P2RY12: variants seen among roughly 807,000 people sequenced by gnomAD.
P2RY12 encodes the protein P2Y purinoceptor 12.
In P2RY12, 3 loss-of-function variants were observed where a neutral mutation model predicts 4.5. The observed-to-expected ratio is 0.67, with a 90% CI of 0.31 to 1.74. P2RY12 has a LOEUF of 1.74. Among genes scored for constraint, P2RY12 ranks in the 40% most tolerant of loss-of-function variants. The pLI, the probability that P2RY12 is intolerant of heterozygous loss-of-function variation, is 0.09. For synonymous variants in P2RY12, 148 were observed against 154.1 expected (o/e 0.96, Z 0.29); for missense variants, 356 against 407.8 (o/e 0.87, Z 1.09).
At chr3:151,379,420 A>T (rs1405800685) in intron 1 of P2RY12, among the ~76,000 whole-genome samples, 2 of 152,216 alleles carry the variant, frequency 1.3e-5, no homozygotes, top group African/African-American at 4.8e-5. Flanking sequence ...TTTGTTGATT[A>T]TTCTCTAATT....
intron 1 of P2RY12, among the ~76,000 whole-genome samples, chr3:151,344,800 A>G (rs1179452530): frequency 1.3e-5 from 2 of 152,226 alleles, no homozygotes; most frequent in Non-Finnish European, 2.9e-5. Context: ...TAGTAATTTA[A>G]AAATTCTATG....
chr3:151,359,723 C>T (rs973530225), intron 1 of P2RY12, among the ~76,000 whole-genome samples: 1 of 152,072 alleles, frequency 6.6e-6, no homozygotes, highest in African/African-American at 2.4e-5. Context: ...AATCTGTCAT[C>T]TGTGACTCCG....
chr3:151,372,509 A>G, intron 1 of P2RY12: 1 of 1,291,272 alleles, frequency 7.7e-7, no homozygotes, highest in Non-Finnish European at 1.1e-6. Context: ...TTTGCTCCTC[A>G]ATTATTTGGC....
intron 1 of P2RY12, among the ~76,000 whole-genome samples, chr3:151,368,683 TC>T (rs1755720374): frequency 0.012 from 566 of 47,996 alleles, 6 homozygotes; most frequent in Non-Finnish European, 0.016. Flanking sequence ...TCATGTCATT[TC>T]ATTTTATTTC....
At chr3:151,368,775 T>C (rs1755804082) in intron 1 of P2RY12, among the ~76,000 whole-genome samples, 1 of 145,522 alleles carries the variant, frequency 6.9e-6, no homozygotes, top group Admixed American at 7.0e-5. Context: ...TTTTTTTTTT[T>C]TTCCAAGACA....
At chr3:151,368,380 G>A (rs1390944137) in intron 1 of P2RY12, 1 of 725,952 alleles carries the variant, frequency 1.4e-6, no homozygotes, top group Non-Finnish European at 2.4e-6. Flanking sequence ...GGTGATGAAG[G>A]GTGAGATGAT....
chr3:151,380,044 T>C, intron 1 of P2RY12: 1 of 983,332 alleles, frequency 1.0e-6, no homozygotes, highest in Non-Finnish European at 1.5e-6. Flanking sequence ...GGCAAAGAAA[T>C]GAATGTTGCC....
intron 1 of P2RY12, among the ~76,000 whole-genome samples, chr3:151,348,562 G>A (rs538230331): frequency 3.3e-5 from 5 of 150,568 alleles, no homozygotes; most frequent in Non-Finnish European, 7.4e-5. Context: ...AGAGAAACTC[G>A]CTCCTAGCTT....
intron 1 of P2RY12, chr3:151,366,024 G>A: frequency 1.3e-6 from 2 of 1,490,812 alleles, no homozygotes. Context: ...AAATTGAACT[G>A]TGCAATTAAA....
chr3:151,349,852 CT>C (rs112308445), intron 1 of P2RY12, among the ~76,000 whole-genome samples: 255 of 139,600 alleles, frequency 1.8e-3, no homozygotes, highest in East Asian at 6.5e-3. Context: ...TCAGTTGACA[CT>C]TTTTTTTTTT....
chr3:151,357,132 T>C, intron 1 of P2RY12: 1 of 1,202,594 alleles, frequency 8.3e-7, no homozygotes. Context: ...TGACTCAGTA[T>C]ATCTATGGTT....
intron 1 of P2RY12, among the ~76,000 whole-genome samples, chr3:151,367,254 A>G (rs1354921673): frequency 1.3e-5 from 2 of 152,200 alleles, no homozygotes; most frequent in Non-Finnish European, 2.9e-5. Context: ...TTTTTCAACT[A>G]GGGGGAGCCT....
intron 1 of P2RY12, among the ~76,000 whole-genome samples, chr3:151,373,893 G>A (rs898615135): frequency 6.6e-6 from 1 of 151,954 alleles, no homozygotes; most frequent in Non-Finnish European, 1.5e-5. Context: ...CCAAGATCTG[G>A]GTATTATGTA....
chr3:151,351,105 A>G (rs1404639381), intron 1 of P2RY12, among the ~76,000 whole-genome samples: 1 of 152,194 alleles, frequency 6.6e-6, no homozygotes, highest in Non-Finnish European at 1.5e-5. Context: ...ACTGTTCTGT[A>G]GTACATATAC....
At chr3:151,383,986 A>G in intron 1 of P2RY12, 2 of 1,487,380 alleles carry the variant, frequency 1.3e-6, no homozygotes, top group South Asian at 2.4e-5. Context: ...ATTTACTTGG[A>G]TGCTATTAAA....
intron 1 of P2RY12, chr3:151,350,279 G>C: frequency 6.8e-7 from 1 of 1,468,208 alleles, no homozygotes. Flanking sequence ...CTTTATCAAA[G>C]TGTTCTATGT....
intron 1 of P2RY12, among the ~76,000 whole-genome samples, chr3:151,366,460 G>A (rs1178406065): frequency 6.6e-6 from 1 of 152,180 alleles, no homozygotes; most frequent in Non-Finnish European, 1.5e-5. Flanking sequence ...AGATTCCGAG[G>A]ATGTCCGGTG....
intron 1 of P2RY12, among the ~76,000 whole-genome samples, chr3:151,366,460 G>C (rs1178406065): frequency 3.9e-5 from 6 of 152,180 alleles, no homozygotes; most frequent in Non-Finnish European, 7.3e-5. Context: ...AGATTCCGAG[G>C]ATGTCCGGTG....
intron 1 of P2RY12, among the ~76,000 whole-genome samples, chr3:151,363,478 T>C (rs1298061095): frequency 6.6e-6 from 1 of 152,200 alleles, no homozygotes; most frequent in East Asian, 1.9e-4. Context: ...CTACCACTGA[T>C]TGAGCTACTG....
Sources: allele counts gnomAD v4.1 joint callset (sites outside exome capture counted in the v4.1 genomes callset), GRCh38; gene constraint gnomAD v4.1.1; transcripts MANE v1.5; gene names NCBI Gene and HGNC (gene_info 2026-07-23, HGNC 2026-07-21).